Variants in ROR1 observed in about 807,000 individuals in gnomAD.
ROR1 encodes ROR family WNT receptor 1.
ROR1 carries 19 observed loss-of-function variants against 78.8 expected under a neutral mutation model. That is an observed-to-expected ratio of 0.24 (90% CI 0.17 to 0.35). ROR1 has a LOEUF of 0.35. Ranked by LOEUF, ROR1 falls within the 10% of genes least tolerant of loss-of-function variation. The pLI, the probability that ROR1 is intolerant of heterozygous loss-of-function variation, is 1.00. For synonymous variants in ROR1, 386 were observed against 433.6 expected (o/e 0.89, Z 1.36); for missense variants, 917 against 1,177.8 (o/e 0.78, Z 3.24).
intron 2 of ROR1, among the ~76,000 whole-genome samples, chr1:64,044,213 A>G (rs1359255232): frequency 1.3e-5 from 2 of 152,164 alleles, no homozygotes; most frequent in Non-Finnish European, 2.9e-5. Flanking sequence ...TGAAAGCCTT[A>G]CACCAGTCTA....
At chr1:64,153,882 T>C (rs72916981) in intron 7 of ROR1, among the ~76,000 whole-genome samples, 4,364 of 152,288 alleles carry the variant, frequency 0.029, 241 homozygotes, top group African/African-American at 0.1. Flanking sequence ...ATGGTTAAGA[T>C]GGTAAATTTT....
At chr1:63,816,398 C>T (rs114906166) in intron 1 of ROR1, among the ~76,000 whole-genome samples, 167 of 152,270 alleles carry the variant, frequency 1.1e-3, no homozygotes, top group Non-Finnish European at 1.7e-3. Flanking sequence ...TCTCATGAAA[C>T]GTGATGGTTT....
Position 63,774,582 on chromosome 1 carries a change from C to A in ROR1, c.91+74C>A. 1.3e-6 allele frequency: 1 copy of A among 791,518 alleles called. No homozygotes were observed. The highest frequency in any genetic ancestry group is 1.5e-6 in the Non-Finnish European group (1 of 649,970). 49.0% of individuals were successfully genotyped at this position (791,518 alleles called of 1,614,324 possible). On this transcript the variant is annotated intron_variant, in intron 1 of 8. Coordinates refer to ENST00000371079, the MANE Select transcript of ROR1 (RefSeq NM_005012.4). The surrounding 1 kb of genome is among the most constrained non-coding windows in gnomAD (Gnocchi z 5.7). ...GCCACCCTTCCGCCGTCCAGCCGGG[C>A]GCGGGACACGCAGGAAGCGCCGCGC...
chr1:63,936,310 G>C (rs944718142), intron 1 of ROR1, among the ~76,000 whole-genome samples: 1 of 152,150 alleles, frequency 6.6e-6, no homozygotes, highest in Non-Finnish European at 1.5e-5. Flanking sequence ...TAAGCAAGGG[G>C]TGCTCTAAAG....
At chr1:63,883,717 A>T (rs1645338433) in intron 1 of ROR1, among the ~76,000 whole-genome samples, 1 of 152,014 alleles carries the variant, frequency 6.6e-6, no homozygotes, top group African/African-American at 2.4e-5. Flanking sequence ...CCAGCACCCC[A>T]TCAGATGTTT....
At chr1:63,977,971 A>G (rs1161559917) in intron 1 of ROR1, among the ~76,000 whole-genome samples, 1 of 152,160 alleles carries the variant, frequency 6.6e-6, no homozygotes, top group African/African-American at 2.4e-5. Context: ...GTTGATCACG[A>G]TAGTCTGCAC....
chr1:64,007,607 T>C (rs285395), intron 1 of ROR1, among the ~76,000 whole-genome samples: 99,955 of 152,088 alleles, frequency 0.66, 37,441 homozygotes, highest in East Asian at 0.94. Flanking sequence ...ATTATTGATT[T>C]GTATGTTTGC....
At chr1:63,950,021 A>G (rs1645922514) in intron 1 of ROR1, among the ~76,000 whole-genome samples, 1 of 152,144 alleles carries the variant, frequency 6.6e-6, no homozygotes, top group Non-Finnish European at 1.5e-5. Context: ...CGCAGTTTCC[A>G]AAGTTGGCTA....
At chr1:64,036,812 A>G (rs1329919026) in intron 2 of ROR1, among the ~76,000 whole-genome samples, 2 of 152,242 alleles carry the variant, frequency 1.3e-5, no homozygotes, top group Non-Finnish European at 2.9e-5. Context: ...GACTGGGATC[A>G]GCTAGATGAT....
intron 1 of ROR1, among the ~76,000 whole-genome samples, chr1:63,951,996 C>T (rs1021574489): frequency 1.3e-5 from 2 of 151,974 alleles, no homozygotes; most frequent in African/African-American, 2.4e-5. Flanking sequence ...AAATAAGGTC[C>T]CTGTCCTAGT....
At chr1:63,873,699 T>C (rs1189390840) in intron 1 of ROR1, among the ~76,000 whole-genome samples, 2 of 152,156 alleles carry the variant, frequency 1.3e-5, no homozygotes, top group African/African-American at 4.8e-5. Flanking sequence ...ATTTTTATTA[T>C]GTTTTTTTTC....
chr1:63,942,338 T>C (rs1295569672), intron 1 of ROR1, among the ~76,000 whole-genome samples: 1 of 152,242 alleles, frequency 6.6e-6, no homozygotes, highest in Non-Finnish European at 1.5e-5. Flanking sequence ...CTTTTTGTTC[T>C]TATCTTTCCT....
At chr1:64,011,492 A>G (rs1211170867) in intron 2 of ROR1, among the ~76,000 whole-genome samples, 1 of 152,192 alleles carries the variant, frequency 6.6e-6, no homozygotes, top group East Asian at 1.9e-4. Flanking sequence ...AAAAGCATCA[A>G]TGTGTGCTAA....
chr1:64,023,035 G>A (rs766039091), intron 2 of ROR1, among the ~76,000 whole-genome samples: 3 of 152,142 alleles, frequency 2.0e-5, no homozygotes, highest in Non-Finnish European at 4.4e-5. Context: ...TTGAAGACAC[G>A]AGCTCAGGGA....
At position 64,140,269 on chromosome 1, in the gene ROR1, T is replaced by A; in HGVS notation, c.771T>A (p.Asn257Lys). The A allele has an allele frequency of 1.2e-6, 2 of 1,614,182 alleles. No homozygotes were observed. The highest frequency in any genetic ancestry group is 1.7e-6 in the Non-Finnish European group (2 of 1,180,024). Residue 257 changes from asparagine to lysine, a missense_variant, in exon 6 of 9, where the codon AAT (asparagine) becomes AAA (lysine). By Grantham distance (94) the Asn-to-Lys change is moderately conservative. This residue lies in a region of ROR1 where 835 missense variants were observed against 1,069.8 expected (regional missense o/e 0.78). Coordinates refer to ENST00000371079, the MANE Select transcript of ROR1 (RefSeq NM_005012.4). Reference protein sequence around the residue: ...LCRDECEILENVLCQTEYIFA... With the variant: ...LCRDECEILEKVLCQTEYIFA... ...GCGATGAATGTGAAATCCTGGAGAATGTCCTGTGTCAAACAGAGTACATTT... is the reference window on the plus strand; with the variant it reads ...GCGATGAATGTGAAATCCTGGAGAAAGTCCTGTGTCAAACAGAGTACATTT...
At chr1:63,823,201 ATCT>A (rs1288787819) in intron 1 of ROR1, among the ~76,000 whole-genome samples, 1 of 152,074 alleles carries the variant, frequency 6.6e-6, no homozygotes, top group Non-Finnish European at 1.5e-5. Flanking sequence ...TCGAGGACAG[ATCT>A]TCTTTCCTTG....
chr1:63,776,600 T>C (rs1569684350), intron 1 of ROR1, among the ~76,000 whole-genome samples: 1 of 152,078 alleles, frequency 6.6e-6, no homozygotes, highest in Admixed American at 6.5e-5. Flanking sequence ...ATGTCAGGGG[T>C]CGATCTTTAA....
intron 8 of ROR1, among the ~76,000 whole-genome samples, chr1:64,163,520 T>C (rs1650004935): frequency 6.6e-6 from 1 of 151,912 alleles, no homozygotes; most frequent in Admixed American, 6.6e-5. Context: ...CCCCCATGAG[T>C]CGAACTCCTG....
intron 1 of ROR1, among the ~76,000 whole-genome samples, chr1:63,967,890 A>G (rs1646087825): frequency 6.6e-6 from 1 of 152,196 alleles, no homozygotes; most frequent in Non-Finnish European, 1.5e-5. Flanking sequence ...CTTTATGCAT[A>G]AACATTCATG....
Sources: allele counts gnomAD v4.1 joint callset (sites outside exome capture counted in the v4.1 genomes callset), GRCh38; gene constraint gnomAD v4.1.1; regional missense constraint gnomAD v4.1.1; non-coding constraint Gnocchi (gnomAD v3.1); transcripts MANE v1.5; gene names NCBI Gene and HGNC (gene_info 2026-07-23, HGNC 2026-07-21).